The following MYRIP variants were observed in gnomAD, a reference collection of about 807,000 sequenced individuals.
MYRIP encodes rab effector MyRIP.
Under a neutral mutation model 98.0 loss-of-function variants are expected in MYRIP, and 49 were observed. The ratio of observed to expected loss-of-function variants is 0.50; its 90% CI spans 0.40 to 0.63. MYRIP has a LOEUF of 0.63. Among genes scored for constraint, MYRIP ranks in the 30% least tolerant of loss-of-function variants. The pLI, the probability that MYRIP is intolerant of heterozygous loss-of-function variation, is 0.00. For synonymous variants in MYRIP, 404 were observed against 409.5 expected, an observed-to-expected ratio of 0.99 and a Z score of 0.16; for missense variants, 1,004 against 1,058.2, an observed-to-expected ratio of 0.95 and a Z score of 0.71.
At chr3:40,144,490 G>A (rs1949972252) in intron 3 of MYRIP, among the ~76,000 whole-genome samples, 1 of 152,200 alleles carries the variant, frequency 6.6e-6, no homozygotes, top group South Asian at 2.1e-4. Context: ...GAGGGGCACA[G>A]TAACAACTAT....
intron 1 of MYRIP, among the ~76,000 whole-genome samples, chr3:39,829,286 C>T (rs1342985305): frequency 6.6e-6 from 1 of 152,088 alleles, no homozygotes; most frequent in African/African-American, 2.4e-5. Context: ...GTCATGTTTT[C>T]TTGCATTTTT....
rs533916564 is a variant in MYRIP, at chr3:40,042,397, A to T, written c.111-1653A>T. On this transcript the variant is annotated intron_variant, in intron 2 of 16. Transcript: ENST00000302541. The stretch of plus-strand genomic sequence containing the variant: ...TCTAGGCCTTCTCAAGCAAGACATA[A>T]AGTCCAATGTCCATGAAAGAAAAGC... Among the ~76,000 whole-genome samples, 20 of 152,190 alleles carry T rather than the reference A, an allele frequency of 1.3e-4. 1 individual carries two copies. The South Asian group carries it at 4.1e-3, about 32-fold the overall frequency.
chr3:40,171,778 A>G (rs1172579147), intron 8 of MYRIP, among the ~76,000 whole-genome samples: 1 of 152,262 alleles, frequency 6.6e-6, no homozygotes, highest in African/African-American at 2.4e-5. Flanking sequence ...AGCTTCCACT[A>G]TGTGCAAGGC....
chr3:39,852,487 C>T (rs942644763), intron 1 of MYRIP, among the ~76,000 whole-genome samples: 1 of 152,134 alleles, frequency 6.6e-6, no homozygotes, highest in African/African-American at 2.4e-5. Context: ...GCAACTGTCA[C>T]CTGAGCAGTG....
At chr3:39,816,522 A>G (rs1321012629) in intron 1 of MYRIP, among the ~76,000 whole-genome samples, 1 of 152,212 alleles carries the variant, frequency 6.6e-6, no homozygotes, top group Non-Finnish European at 1.5e-5. Context: ...AGGCTAATAA[A>G]TATGAAGCAC....
chr3:40,081,748 C>G (rs770241210), intron 3 of MYRIP, among the ~76,000 whole-genome samples: 15 of 152,204 alleles, frequency 9.9e-5, no homozygotes, highest in Non-Finnish European at 1.8e-4. Context: ...TAGCTATAGT[C>G]AACATGTTGT....
intron 1 of MYRIP, among the ~76,000 whole-genome samples, chr3:39,822,421 G>A (rs770243971): frequency 2.0e-5 from 3 of 151,962 alleles, no homozygotes; most frequent in Admixed American, 6.6e-5. Flanking sequence ...ACACAAATTC[G>A]TCAAATTCGT....
intron 2 of MYRIP, among the ~76,000 whole-genome samples, chr3:39,976,499 G>C (rs1559544835): frequency 6.6e-6 from 1 of 152,178 alleles, no homozygotes; most frequent in Non-Finnish European, 1.5e-5. Context: ...ATTCCTCAGG[G>C]ATCTAGAACT....
intron 3 of MYRIP, among the ~76,000 whole-genome samples, chr3:40,126,333 A>C (rs925897215): frequency 1.3e-5 from 2 of 152,240 alleles, no homozygotes; most frequent in Non-Finnish European, 2.9e-5. Context: ...GAACTGCTAA[A>C]GGTTAAGAAA....
At chr3:40,256,789 C>T (rs1161603872) in intron 16 of MYRIP, among the ~76,000 whole-genome samples, 1 of 151,638 alleles carries the variant, frequency 6.6e-6, no homozygotes, top group Non-Finnish European at 1.5e-5. Context: ...GGAACAATTC[C>T]CATACCATAT....
At chr3:40,085,552 GGGATTAC>G (rs1156469255) in intron 3 of MYRIP, among the ~76,000 whole-genome samples, 1 of 152,166 alleles carries the variant, frequency 6.6e-6, no homozygotes, top group Admixed American at 6.5e-5. Context: ...CCAAAGTGCT[GGGATTAC>G]AGGCATGAAC....
chr3:39,885,573 A>G (rs1223594178), intron 1 of MYRIP, among the ~76,000 whole-genome samples: 1 of 151,978 alleles, frequency 6.6e-6, no homozygotes, highest in Non-Finnish European at 1.5e-5. Flanking sequence ...GTTCTCCTGG[A>G]TAATATCCCG....
chr3:39,864,930 G>C (rs1351531813), intron 1 of MYRIP, among the ~76,000 whole-genome samples: 1 of 152,068 alleles, frequency 6.6e-6, no homozygotes, highest in Non-Finnish European at 1.5e-5. Flanking sequence ...AACCAAAACA[G>C]TACAGTGCTG....
At chr3:40,257,050 G>A (rs1953616323) in intron 16 of MYRIP, among the ~76,000 whole-genome samples, 2 of 152,204 alleles carry the variant, frequency 1.3e-5, no homozygotes, top group Non-Finnish European at 2.9e-5. Context: ...AGTAGGCCAA[G>A]CAAGGTGGCT....
At chr3:40,043,168 A>T (rs537615866) in intron 2 of MYRIP, among the ~76,000 whole-genome samples, 37 of 152,334 alleles carry the variant, frequency 2.4e-4, no homozygotes, top group African/African-American at 7.7e-4. Flanking sequence ...CAGTAGGAAA[A>T]TAGTAAAAGT....
At chr3:39,832,794 A>G (rs1310070059) in intron 1 of MYRIP, among the ~76,000 whole-genome samples, 2 of 152,278 alleles carry the variant, frequency 1.3e-5, no homozygotes, top group Admixed American at 6.5e-5. Flanking sequence ...CTGTTTATAT[A>G]TTGCATTTCA....
chr3:39,954,558 A>G (rs1945108104), intron 2 of MYRIP, among the ~76,000 whole-genome samples: 1 of 152,182 alleles, frequency 6.6e-6, no homozygotes, highest in South Asian at 2.1e-4. Flanking sequence ...AACCACAAAG[A>G]TGGGGAGAAA....
intron 2 of MYRIP, among the ~76,000 whole-genome samples, chr3:39,917,681 C>T (rs768835736): frequency 1.3e-5 from 2 of 151,360 alleles, no homozygotes; most frequent in African/African-American, 2.4e-5. Flanking sequence ...TATAGATTAG[C>T]TGCCTTCTTT....
intron 3 of MYRIP, among the ~76,000 whole-genome samples, chr3:40,120,955 T>G (rs1949390352): frequency 6.6e-6 from 1 of 152,094 alleles, no homozygotes; most frequent in Admixed American, 6.5e-5. Context: ...TCCTGACAAC[T>G]GCTTGGCTGA....
Sources: allele counts gnomAD v4.1 joint callset (sites outside exome capture counted in the v4.1 genomes callset), GRCh38; gene constraint gnomAD v4.1.1; transcripts MANE v1.5; gene names NCBI Gene and HGNC (gene_info 2026-07-23, HGNC 2026-07-21).